The following NRXN1 variants were observed in gnomAD, a reference collection of about 807,000 sequenced individuals.
NRXN1 encodes the protein neurexin-1.
A neutral mutation model predicts 150.9 loss-of-function variants in NRXN1; 39 were observed. That is an observed-to-expected ratio of 0.26 (90% CI 0.20 to 0.34). The LOEUF is 0.34. Ranked by LOEUF, NRXN1 falls within the 10% of genes least tolerant of loss-of-function variation. The pLI, the probability that NRXN1 is intolerant of heterozygous loss-of-function variation, is 1.00. For synonymous variants in NRXN1, 924 were observed against 757.0 expected, an observed-to-expected ratio of 1.22 and a Z score of -3.62; for missense variants, 1,815 against 1,949.9, an observed-to-expected ratio of 0.93 and a Z score of 1.30.
At chr2:50,181,790 A>G (rs1338887623) in intron 18 of NRXN1, among the ~76,000 whole-genome samples, 1 of 152,110 alleles carries the variant, frequency 6.6e-6, no homozygotes, top group Non-Finnish European at 1.5e-5. Flanking sequence ...TCTTCAGTCC[A>G]TAGTTCTAGT....
At chr2:50,834,682 ATAAAC>A (rs1671863974) in intron 5 of NRXN1, among the ~76,000 whole-genome samples, 1 of 152,172 alleles carries the variant, frequency 6.6e-6, no homozygotes, top group Non-Finnish European at 1.5e-5. Context: ...CATTTGTAAA[ATAAAC>A]TATCTGTATT....
chr2:49,943,595 G>T (rs1371722702), intron 22 of NRXN1, 109 bp downstream of exon 22: 2 of 747,960 alleles, frequency 2.7e-6, no homozygotes, highest in African/African-American at 3.5e-5. Context: ...ATCAACGATG[G>T]TATAGGAGGG....
intron 21 of NRXN1, among the ~76,000 whole-genome samples, chr2:49,950,606 C>T (rs893892924): frequency 1.3e-5 from 2 of 151,946 alleles, no homozygotes; most frequent in African/African-American, 4.8e-5. Context: ...ACAAATAACT[C>T]TTTAATACAA....
chr2:50,655,918 A>C (rs1686382688), intron 5 of NRXN1, among the ~76,000 whole-genome samples: 1 of 152,012 alleles, frequency 6.6e-6, no homozygotes, highest in Non-Finnish European at 1.5e-5. Flanking sequence ...ATTGACATAT[A>C]AATGTGGTGT....
chr2:50,582,591 C>G (rs553220368), intron 8 of NRXN1, among the ~76,000 whole-genome samples: 1 of 150,976 alleles, frequency 6.6e-6, no homozygotes, highest in Admixed American at 6.6e-5. Context: ...ACAGGGGAAG[C>G]CACTAGCAAA....
chr2:49,925,014 G>A (rs1267060083), intron 22 of NRXN1, among the ~76,000 whole-genome samples: 6 of 151,918 alleles, frequency 3.9e-5, no homozygotes, highest in South Asian at 4.2e-4. Flanking sequence ...TGTGTTGGTC[G>A]GGTGTGGTGG....
Position 50,585,667 on chromosome 2 carries a change from A to C in NRXN1, c.1321-32642T>G, listed in dbSNP as rs537842941. ...GAGGCTATTGAAAATAAAGCAATCA[A>C]AATTTTCAAAAGTAATAAGCACACA... On this transcript the variant is annotated intron_variant, in intron 8 of 22. Transcript: ENST00000401669. Among the ~76,000 whole-genome samples, 26 of 152,344 alleles carry C rather than the reference A, an allele frequency of 1.7e-4. 1 individual carries two copies. Among genetic ancestry groups the C allele is most frequent in the African/African-American group, 6.3e-4 (26 of 41,578 alleles).
intron 5 of NRXN1, among the ~76,000 whole-genome samples, chr2:50,821,395 T>C (rs971676747): frequency 1.3e-5 from 2 of 152,186 alleles, no homozygotes; most frequent in Non-Finnish European, 2.9e-5. Context: ...TGGACACCCC[T>C]GGCTTAATCC....
chr2:50,253,168 T>C (rs955547219), intron 17 of NRXN1, among the ~76,000 whole-genome samples: 1 of 152,086 alleles, frequency 6.6e-6, no homozygotes, highest in African/African-American at 2.4e-5. Context: ...ATTGTTTTTG[T>C]AGTAATTGTG....
chr2:50,442,861 C>T (rs189650243), intron 17 of NRXN1, among the ~76,000 whole-genome samples: 1 of 151,980 alleles, frequency 6.6e-6, no homozygotes, highest in Admixed American at 6.6e-5. Flanking sequence ...GTGTTTAGTG[C>T]CTTGTTTTGA....
chr2:50,728,283 A>G (rs1697649764), intron 5 of NRXN1, among the ~76,000 whole-genome samples: 1 of 152,174 alleles, frequency 6.6e-6, no homozygotes, highest in Non-Finnish European at 1.5e-5. Flanking sequence ...TCTTCTCAGC[A>G]TTTCCACTTA....
chr2:50,552,770 G>A lies in NRXN1; in HGVS notation c.1576C>T (p.His526Tyr), dbSNP rs200605622. The change falls in exon 9 of 23, where the codon CAT becomes TAT. Residue 526 changes from histidine (H) to tyrosine (Y), a missense_variant. Around this residue, in one of 6 missense-constraint regions of NRXN1, gnomAD observed 638 missense variants for 652.6 expected, o/e 0.98. Coordinates refer to ENST00000401669, the MANE Select transcript of NRXN1 (RefSeq NM_001330078.2). ...LILFSHGKPR[H>Y]QKDAKHPQMI... ...TGTGGGTGCTTGGCATCTTTCTGAT[G>A]TCTTGGCTTGCCATGGCTAAATAAG... 7 of 1,613,952 alleles carry A rather than the reference G, an allele frequency of 4.3e-6. No homozygotes were observed. The highest frequency in any genetic ancestry group is 4.2e-6 in the Non-Finnish European group (5 of 1,179,862).
At chr2:50,054,180 G>A (rs749776050) in intron 20 of NRXN1, among the ~76,000 whole-genome samples, 2 of 151,238 alleles carry the variant, frequency 1.3e-5, no homozygotes, top group African/African-American at 2.4e-5. Flanking sequence ...GCATGTCAGA[G>A]ACAAAAAAAT....
At chr2:50,973,620 T>C (rs954345033) in intron 2 of NRXN1, among the ~76,000 whole-genome samples, 1 of 152,088 alleles carries the variant, frequency 6.6e-6, no homozygotes, top group Admixed American at 6.6e-5. Context: ...GAGTATAGAA[T>C]TGACACTCAA....
At chr2:50,267,031 A>G (rs2068980350) in intron 17 of NRXN1, among the ~76,000 whole-genome samples, 1 of 152,212 alleles carries the variant, frequency 6.6e-6, no homozygotes, top group Non-Finnish European at 1.5e-5. Context: ...CTCAGAAAAG[A>G]ACTGCCAGAG....
rs958220066 is a variant in NRXN1, at chr2:50,875,232, T to C, written c.832+46637A>G. ...TGACATCACTATATTACAATTTGAATCAAAACTAAGATGTTGACCATATAA... is the reference window on the plus strand; with the variant it reads ...TGACATCACTATATTACAATTTGAACCAAAACTAAGATGTTGACCATATAA... On this transcript the variant is annotated intron_variant, in intron 5 of 22. Transcript: ENST00000401669. Among the ~76,000 whole-genome samples, 24 of 151,818 alleles carry C rather than the reference T, an allele frequency of 1.6e-4. No individual in the cohort carries two copies. The East Asian group carries it at 4.5e-3, about 28-fold the overall frequency.
chr2:50,153,876 C>T (rs943613140), intron 18 of NRXN1, among the ~76,000 whole-genome samples: 1 of 151,696 alleles, frequency 6.6e-6, no homozygotes. Flanking sequence ...GAAATCAAAA[C>T]ACAGGTCTCT....
intron 19 of NRXN1, among the ~76,000 whole-genome samples, chr2:50,060,785 T>C (rs1694406051): frequency 6.6e-6 from 1 of 152,208 alleles, no homozygotes; most frequent in African/African-American, 2.4e-5. Context: ...ATGTAAGACA[T>C]GCCTTTGCTC....
chr2:49,949,134 A>C (rs903057431), intron 21 of NRXN1, among the ~76,000 whole-genome samples: 1 of 152,022 alleles, frequency 6.6e-6, no homozygotes, highest in Non-Finnish European at 1.5e-5. Flanking sequence ...GGTTTGAGAA[A>C]TATGTCAGGA....
Sources: allele counts gnomAD v4.1 joint callset (sites outside exome capture counted in the v4.1 genomes callset), GRCh38; gene constraint gnomAD v4.1.1; regional missense constraint gnomAD v4.1.1; transcripts MANE v1.5; gene names NCBI Gene and HGNC (gene_info 2026-07-23, HGNC 2026-07-21).